CCDC30: variants seen among roughly 807,000 people sequenced by gnomAD.
CCDC30 encodes coiled-coil domain containing 30, also known as coiled-coil domain-containing protein 30.
Under a neutral mutation model 100.2 loss-of-function variants are expected in CCDC30, and 70 were observed. That is an observed-to-expected ratio of 0.70 (90% CI 0.58 to 0.85). The LOEUF (loss-of-function observed/expected upper bound fraction) is 0.85, where lower values mean the gene tolerates loss of function less well. Among genes scored for constraint, CCDC30 ranks in the 40% least tolerant of loss-of-function variants. CCDC30 has a pLI of 0.00. For synonymous variants in CCDC30, 233 were observed against 269.5 expected (o/e 0.86, Z 1.33); for missense variants, 652 against 771.2 (o/e 0.85, Z 1.83).
intron 1 of CCDC30, among the ~76,000 whole-genome samples, chr1:42,472,586 CAA>C (rs1047380750): frequency 6.6e-6 from 1 of 151,766 alleles, no homozygotes; most frequent in African/African-American, 2.4e-5. Flanking sequence ...AAAAAAGAAA[CAA>C]GAGCCCTTTG....
intron 10 of CCDC30, among the ~76,000 whole-genome samples, chr1:42,610,198 A>T (rs1646589988): frequency 6.6e-6 from 1 of 152,146 alleles, no homozygotes; most frequent in African/African-American, 2.4e-5. Context: ...ATTACCAGCA[A>T]CTATAAGTGA....
At chr1:42,537,397 A>G in intron 6 of CCDC30, 1 of 372,098 alleles carries the variant, frequency 2.7e-6, no homozygotes, top group Non-Finnish European at 5.3e-6. Context: ...AGGAATTTTC[A>G]GTGAAATAAG....
At chr1:42,568,849 A>G (rs533402726) in intron 7 of CCDC30, among the ~76,000 whole-genome samples, 3 of 151,388 alleles carry the variant, frequency 2.0e-5, no homozygotes, top group African/African-American at 7.3e-5. Flanking sequence ...AGGCTGAGGC[A>G]TGAGAATTGC....
At position 42,634,335 on chromosome 1, in the gene CCDC30, T is replaced by C. The variant is rs578101214; in HGVS notation, c.1278-2902T>C. Among the ~76,000 whole-genome samples the C allele has an allele frequency of 2.6e-5, 4 of 151,836 alleles. No homozygotes were observed. In the South Asian group the frequency reaches 8.4e-4, roughly 32 times the overall value. On this transcript the variant is annotated intron_variant, in intron 11 of 16. Coordinates refer to ENST00000668663, the Ensembl canonical transcript of CCDC30. ...TGGCAATGTCTGGAGACCATTTTAG[T>C]TGTTACAACTGTAGGAGGTGCTACT...
At chr1:42,567,330 A>G (rs879367162) in intron 7 of CCDC30, among the ~76,000 whole-genome samples, 7 of 152,234 alleles carry the variant, frequency 4.6e-5, no homozygotes, top group Non-Finnish European at 7.3e-5. Flanking sequence ...TGATGAAACC[A>G]TATGACCCAC....
chr1:42,547,231 T>C (rs967146375), intron 6 of CCDC30, among the ~76,000 whole-genome samples: 1 of 152,156 alleles, frequency 6.6e-6, no homozygotes, highest in Non-Finnish European at 1.5e-5. Flanking sequence ...AGGTTTGCTG[T>C]AGGGAAAGAG....
chr1:42,535,968 G>A (rs1388563198), intron 6 of CCDC30, among the ~76,000 whole-genome samples: 1 of 150,750 alleles, frequency 6.6e-6, no homozygotes, highest in Non-Finnish European at 1.5e-5. Flanking sequence ...TGTGAACTTG[G>A]ACAAATTATG....
chr1:42,642,097 G>T (rs1647481088), intron 12 of CCDC30, among the ~76,000 whole-genome samples: 1 of 151,724 alleles, frequency 6.6e-6, no homozygotes, highest in Non-Finnish European at 1.5e-5. Context: ...GTAGTGGTGG[G>T]CACCTGTAGT....
chr1:42,483,671 G>C (rs573043957), intron 3 of CCDC30, among the ~76,000 whole-genome samples: 112 of 152,258 alleles, frequency 7.4e-4, no homozygotes, highest in African/African-American at 2.7e-3. Flanking sequence ...ATACAACTTT[G>C]TGAAGTTCCT....
chr1:42,631,595 G>A (rs763559619), intron 11 of CCDC30, among the ~76,000 whole-genome samples: 1 of 152,196 alleles, frequency 6.6e-6, no homozygotes, highest in Non-Finnish European at 1.5e-5. Flanking sequence ...GGCAGGTCCA[G>A]TGGTGCCATC....
At chr1:42,548,155 C>A (rs1242142132) in intron 6 of CCDC30, among the ~76,000 whole-genome samples, 1 of 152,096 alleles carries the variant, frequency 6.6e-6, no homozygotes, top group East Asian at 1.9e-4. Context: ...AATGAAGAGG[C>A]AGGCAGAGGC....
At chr1:42,504,034 A>G (rs1290088124) in intron 6 of CCDC30, among the ~76,000 whole-genome samples, 1 of 152,266 alleles carries the variant, frequency 6.6e-6, no homozygotes, top group Non-Finnish European at 1.5e-5. Context: ...GCCAGTCATT[A>G]GCATTGTTTC....
chr1:42,532,405 T>C (rs546495707), intron 6 of CCDC30, among the ~76,000 whole-genome samples: 5 of 152,350 alleles, frequency 3.3e-5, no homozygotes, highest in Admixed American at 2.6e-4. Context: ...CTGTGTTCCT[T>C]ACCCATTTCT....
At chr1:42,623,353 C>A (rs941455058) in intron 11 of CCDC30, among the ~76,000 whole-genome samples, 1 of 152,170 alleles carries the variant, frequency 6.6e-6, no homozygotes, top group Non-Finnish European at 1.5e-5. Context: ...TCTTATAGTA[C>A]TCTTACACTT....
At chr1:42,604,991 G>T (rs1646475165) in intron 10 of CCDC30, among the ~76,000 whole-genome samples, 1 of 152,150 alleles carries the variant, frequency 6.6e-6, no homozygotes, top group Admixed American at 6.5e-5. Flanking sequence ...GACTTTAATT[G>T]GCTGCCTGTA....
chr1:42,641,959 C>T (rs143251938), intron 12 of CCDC30, among the ~76,000 whole-genome samples: 15,273 of 152,160 alleles, frequency 0.1, 841 homozygotes, highest in East Asian at 0.18. Flanking sequence ...GGCATGGTGG[C>T]TCACGCCTGT....
intron 1 of CCDC30, chr1:42,473,073 TTGTGTGTGTG>T: frequency 8.5e-7 from 1 of 1,171,604 alleles, no homozygotes; most frequent in Non-Finnish European, 1.1e-6. Context: ...GCATCCTCAG[TTGTGTGTGTG>T]TGTGTGTTCA....
At chr1:42,532,528 A>G (rs1183813804) in intron 6 of CCDC30, among the ~76,000 whole-genome samples, 1 of 152,214 alleles carries the variant, frequency 6.6e-6, no homozygotes, top group East Asian at 1.9e-4. Flanking sequence ...GGAAAATAAT[A>G]GCCACAATAT....
rs570396011 is a variant in CCDC30 at position 42,545,324 on chromosome 1, C to T, written c.457-20972C>T. On this transcript the variant is annotated intron_variant, in intron 6 of 16. Coordinates refer to ENST00000668663, the Ensembl canonical transcript of CCDC30. Reference sequence around the variant, plus strand: ...TATATTATATAAGCCAATAGTTAAGCATTTAATGAAATCAGTATACTTTTT... The same window carrying T: ...TATATTATATAAGCCAATAGTTAAGTATTTAATGAAATCAGTATACTTTTT... 7 of 1,030,438 alleles carry T rather than the reference C, an allele frequency of 6.8e-6. No individual in the cohort carries two copies. In the African/African-American group the frequency reaches 8.2e-5, roughly 12 times the overall value. The allele number at this position is 1,030,438 out of a possible 1,614,324, so 63.8% of individuals were successfully genotyped here. A position where few individuals can be genotyped will look rare whatever the true frequency, so the allele number is the denominator to read the frequency against.
Sources: allele counts gnomAD v4.1 joint callset (sites outside exome capture counted in the v4.1 genomes callset), GRCh38; gene constraint gnomAD v4.1.1; transcripts MANE v1.5; gene names NCBI Gene and HGNC (gene_info 2026-07-23, HGNC 2026-07-21).